Variants in GOLGA5 observed in about 807,000 individuals in gnomAD.
GOLGA5 encodes golgin A5.
In GOLGA5, 50 loss-of-function variants were observed where a neutral mutation model predicts 93.5. That is an observed-to-expected ratio of 0.53 (90% CI 0.43 to 0.68). The LOEUF (loss-of-function observed/expected upper bound fraction) is 0.68. Ranked by LOEUF, GOLGA5 falls within the 30% of genes least tolerant of loss-of-function variation. The pLI is 0.00. For synonymous variants in GOLGA5, 312 were observed against 304.5 expected (o/e 1.02, Z -0.26); for missense variants, 760 against 856.4 (o/e 0.89, Z 1.40).
chr14:92,835,239 C>T (rs1885615801), intron 10 of GOLGA5, among the ~76,000 whole-genome samples: 1 of 152,200 alleles, frequency 6.6e-6, no homozygotes, highest in African/African-American at 2.4e-5. Flanking sequence ...AGAAAGACCA[C>T]CCGGCCTCAC....
chr14:92,794,671 C>T (rs1303317372), intron 1 of GOLGA5, among the ~76,000 whole-genome samples: 1 of 152,228 alleles, frequency 6.6e-6, no homozygotes. Flanking sequence ...TTTCTCCTGA[C>T]CCCTGCCTGG....
In GOLGA5 at chr14:92,797,724, A is replaced by T; in HGVS notation, c.287A>T (p.His96Leu). ...VGSRTPVEASHPVENASVPRP... is the reference protein window; with the variant it reads ...VGSRTPVEASLPVENASVPRP... Reference sequence around the variant, plus strand: ...TCTCGGACACCAGTAGAGGCCTCTCATCCTGTTGAAAATGCATCTGTTCCT... The same window carrying T: ...TCTCGGACACCAGTAGAGGCCTCTCTTCCTGTTGAAAATGCATCTGTTCCT... Residue 96 changes from histidine (H) to leucine (L), a missense_variant, in exon 2 of 13, where the codon CAT (histidine) becomes CTT (leucine). Coordinates refer to ENST00000163416, the MANE Select transcript of GOLGA5 (RefSeq NM_005113.4). 6.2e-7 allele frequency: 1 copy of T among 1,613,990 alleles called. No homozygotes were observed. The highest frequency in any genetic ancestry group is 2.2e-5 in the East Asian group (1 of 44,880).
In GOLGA5 at chr14:92,809,371, G is replaced by A. The variant is rs754439958; in HGVS notation, c.844G>A (p.Gly282Arg). The change falls in exon 4 of 13, where the codon GGA (glycine) becomes AGA (arginine). Residue 282 changes from glycine (G) to arginine (R), a missense_variant. Coordinates refer to ENST00000163416, the MANE Select transcript of GOLGA5 (RefSeq NM_005113.4). Reference sequence around the variant, plus strand: ...TTCAAAGAGTGATCGAATGACTCGAGGACTCCGAGCCCAAGTAGATGACCT... The same window carrying A: ...TTCAAAGAGTGATCGAATGACTCGAAGACTCCGAGCCCAAGTAGATGACCT... ...DHSKSDRMTR[G>R]LRAQVDDLTE... is the part of the protein sequence containing the mutation. The A allele has an allele frequency of 4.3e-6, 7 of 1,613,172 alleles. No homozygotes were observed. The highest frequency in any genetic ancestry group is 1.3e-5 in the African/African-American group (1 of 74,896).
At position 92,806,602 on chromosome 14, in the gene GOLGA5, C is replaced by T. The variant is rs529161236; in HGVS notation, c.545-134C>T. On this transcript the variant is annotated intron_variant, in intron 2 of 12. Coordinates refer to ENST00000163416, the MANE Select transcript of GOLGA5 (RefSeq NM_005113.4). Reference sequence around the variant, plus strand: ...TGCTGGGATTACAGGCATGAGCCACCGCGCCTAGCTGAGAATTTACTTTTT... The same window carrying T: ...TGCTGGGATTACAGGCATGAGCCACTGCGCCTAGCTGAGAATTTACTTTTT... 2.0e-5 allele frequency: 13 copies of T among 635,804 alleles called. 1 individual carries two copies. The highest frequency in any genetic ancestry group is 5.7e-5 in the East Asian group (2 of 35,178). The allele number at this position is 635,804 out of a possible 1,614,324, so 39.4% of individuals were successfully genotyped here.
At chr14:92,797,109 T>A (rs559542850) in intron 1 of GOLGA5, among the ~76,000 whole-genome samples, 74 of 151,752 alleles carry the variant, frequency 4.9e-4, no homozygotes, top group African/African-American at 1.7e-3. Flanking sequence ...GTAGTGGTAG[T>A]TGTAATAATG....
intron 2 of GOLGA5, 64 bp downstream of exon 2, chr14:92,798,045 C>T (rs1377792817): frequency 2.8e-5 from 30 of 1,057,570 alleles, no homozygotes; most frequent in Admixed American, 4.6e-5. Flanking sequence ...TCATATGATC[C>T]GATGGTGTTT....
Position 92,810,210 on chromosome 14 carries a change from A to G in GOLGA5, c.993-44A>G, listed in dbSNP as rs375769700. 158 of 1,481,424 alleles carry G rather than the reference A, an allele frequency of 1.1e-4. No homozygotes were observed. The African/African-American group carries it at 1.7e-3, about 16-fold the overall frequency. The allele number at this position is 1,481,424 out of a possible 1,614,324, so 91.8% of individuals were successfully genotyped here. On this transcript the variant is annotated intron_variant, in intron 4 of 12. Transcript: ENST00000163416. ...AAAATTATTCTGCCTTATCACTTGT[A>G]CACTGTAGACATGAGTTATTTCACA...
Position 92,833,205 on chromosome 14 carries a change from A to G in GOLGA5, c.1803A>G (p.Lys601=), listed in dbSNP as rs752773368. ...AGCTAACAGAGACTCTCATCCAGAA[A>G]CAGACCATGCTGGAGAGTCTCAGCA... ...LHQLTETLIQ[K]QTMLESLSTE... is the part of the protein sequence containing the mutation. Residue 601 remains lysine, a synonymous_variant, in exon 10 of 13, where the codon AAA becomes AAG. Coordinates refer to ENST00000163416, the MANE Select transcript of GOLGA5 (RefSeq NM_005113.4). 1.9e-5 allele frequency: 31 copies of G among 1,613,162 alleles called. No homozygotes were observed. In the South Asian group the frequency reaches 3.4e-4, roughly 18 times the overall value.
chr14:92,807,485 C>T (rs999293223), intron 3 of GOLGA5, among the ~76,000 whole-genome samples: 17 of 152,114 alleles, frequency 1.1e-4, no homozygotes, highest in Admixed American at 3.9e-4. Flanking sequence ...TAAGAGTATT[C>T]GCTTCTTTGG....
chr14:92,839,228 T>G, intron 12 of GOLGA5, 138 bp from the exon 13 acceptor site: 1 of 614,936 alleles, frequency 1.6e-6, no homozygotes, highest in East Asian at 2.7e-5. Context: ...GCTCATTTAG[T>G]TGTTTCATTC....
rs756200543 is a variant in GOLGA5 at position 92,834,005 on chromosome 14, T to TA, written c.1945+660dup. Among the ~76,000 whole-genome samples, 271 of 151,434 alleles carry TA rather than the reference T, an allele frequency of 1.8e-3. 3 individuals carry two copies. The Middle Eastern group carries it at 0.031, about 17-fold the overall frequency. On this transcript the variant is annotated intron_variant, in intron 10 of 12. Transcript: ENST00000163416. ...AAAAGTGTCACTTCTTTTTTTTTTT[T>TA]AATGTATAATTATCATTTTATTTGT...
chr14:92,838,057 A>T (rs1269324027), intron 12 of GOLGA5, among the ~76,000 whole-genome samples: 1 of 152,210 alleles, frequency 6.6e-6, no homozygotes, highest in East Asian at 1.9e-4. Flanking sequence ...AATACAAAAC[A>T]ATTTTTTATC....
At chr14:92,818,181 T>G (rs1339795915) in intron 7 of GOLGA5, among the ~76,000 whole-genome samples, 1 of 152,194 alleles carries the variant, frequency 6.6e-6, no homozygotes, top group African/African-American at 2.4e-5. Context: ...ACCCATTTTC[T>G]TACCCTTCTC....
At chr14:92,804,968 G>A (rs1402460096) in intron 2 of GOLGA5, among the ~76,000 whole-genome samples, 3 of 152,080 alleles carry the variant, frequency 2.0e-5, no homozygotes, top group African/African-American at 7.2e-5. Context: ...TTTAAGTCAC[G>A]TCTTAGGTGC....
Position 92,819,807 on chromosome 14 carries a change from C to T in GOLGA5, c.1591C>T (p.Leu531=). 1 of 1,614,050 alleles carries T rather than the reference C, an allele frequency of 6.2e-7. No homozygotes were observed. Among genetic ancestry groups the T allele is most frequent in the Non-Finnish European group, 8.5e-7 (1 of 1,179,938 alleles). ...TGGGCAGAAAGCATCCAAACAAGAA[C>T]TAGAGACAGAACTGGAGCGACTGAA... ...IAGQKASKQE[L]ETELERLKQE... is the part of the protein sequence containing the mutation. Residue 531 remains leucine, a synonymous_variant, in exon 8 of 13, where the codon CTA becomes TTA. Coordinates refer to ENST00000163416, the MANE Select transcript of GOLGA5 (RefSeq NM_005113.4).
chr14:92,795,015 A>G (rs1884692385), intron 1 of GOLGA5, among the ~76,000 whole-genome samples: 1 of 152,264 alleles, frequency 6.6e-6, no homozygotes. Flanking sequence ...TAATTGCAAC[A>G]TTAGTAGCAG....
chr14:92,827,836 T>G (rs1885453192), intron 9 of GOLGA5, among the ~76,000 whole-genome samples: 1 of 152,116 alleles, frequency 6.6e-6, no homozygotes, highest in African/African-American at 2.4e-5. Context: ...AAAGTTTGAG[T>G]GGTCTGGATA....
At chr14:92,810,133 GA>G in intron 4 of GOLGA5, 120 bp from the exon 5 acceptor site, 1 of 659,544 alleles carries the variant, frequency 1.5e-6, no homozygotes. Context: ...ATTTATCTAA[GA>G]ATATTTCAGT....
intron 9 of GOLGA5, among the ~76,000 whole-genome samples, chr14:92,825,851 G>C (rs1272099320): frequency 1.4e-5 from 1 of 72,824 alleles, no homozygotes; most frequent in Admixed American, 1.9e-4. Flanking sequence ...GTGAGACCCT[G>C]TCTCAAAAAA....
Sources: allele counts gnomAD v4.1 joint callset (sites outside exome capture counted in the v4.1 genomes callset), GRCh38; gene constraint gnomAD v4.1.1; transcripts MANE v1.5; gene names NCBI Gene and HGNC (gene_info 2026-07-23, HGNC 2026-07-21).